The following STK4 variants were observed in gnomAD, a reference collection of about 807,000 sequenced individuals.
STK4 encodes the protein serine/threonine kinase 4.
In STK4, 30 loss-of-function variants were observed where a neutral mutation model predicts 64.9. The ratio of observed to expected loss-of-function variants is 0.46; its 90% CI spans 0.35 to 0.63. The LOEUF (loss-of-function observed/expected upper bound fraction) is 0.63, where lower values mean the gene tolerates loss of function less well. Among genes scored for constraint, STK4 ranks in the 20% least tolerant of loss-of-function variants. STK4 has a pLI of 0.01. For synonymous variants in STK4, 177 were observed against 199.0 expected, an observed-to-expected ratio of 0.89 and a Z score of 0.93; for missense variants, 466 against 598.5, an observed-to-expected ratio of 0.78 and a Z score of 2.31.
At position 45,075,201 on chromosome 20, in the gene STK4, A is replaced by G. The variant is rs1267287613; in HGVS notation, c.*25A>G. 1 of 1,609,996 alleles carries G rather than the reference A, an allele frequency of 6.2e-7. No individual in the cohort carries two copies. The highest frequency in any genetic ancestry group is 1.1e-5 in the South Asian group (1 of 90,838). ...AGCAAGGCCAGGCTGTGAGGGCCCC[A>G]GCTCCACCCAGGCTTTGGGTGAATT... On this transcript the variant is annotated 3_prime_UTR_variant, in exon 11 of 11. Coordinates refer to ENST00000372806, the MANE Select transcript of STK4 (RefSeq NM_006282.5).
chr20:44,989,302 C>T (rs2067591882), intron 5 of STK4, among the ~76,000 whole-genome samples: 1 of 152,100 alleles, frequency 6.6e-6, no homozygotes. Flanking sequence ...TATAACCATC[C>T]TAGTGAGTAT....
chr20:44,997,876 TG>T (rs2067764411), intron 7 of STK4, among the ~76,000 whole-genome samples: 1 of 152,202 alleles, frequency 6.6e-6, no homozygotes, highest in Non-Finnish European at 1.5e-5. Flanking sequence ...CCACATACTT[TG>T]CATATGTGCC....
At chr20:44,995,363 T>C in intron 6 of STK4, 106 bp downstream of exon 6, 1 of 1,358,260 alleles carries the variant, frequency 7.4e-7, no homozygotes, top group Non-Finnish European at 9.8e-7. Flanking sequence ...CCCAGCACTT[T>C]GGGAGGCTGA....
chr20:45,004,990 C>T (rs1434031014), intron 9 of STK4, among the ~76,000 whole-genome samples: 1 of 151,718 alleles, frequency 6.6e-6, no homozygotes, highest in Non-Finnish European at 1.5e-5. Context: ...TCAGGCTGGT[C>T]TCAAACTCTT....
chr20:45,004,653 T>G (rs1170856582), intron 9 of STK4, among the ~76,000 whole-genome samples: 1 of 152,078 alleles, frequency 6.6e-6, no homozygotes, highest in Non-Finnish European at 1.5e-5. Flanking sequence ...ATAGTTTCTT[T>G]TGCTGTGCAG....
At chr20:44,970,597 A>G (rs1378635532) in intron 1 of STK4, 1 of 152,072 alleles carries the variant, frequency 6.6e-6, no homozygotes, top group Non-Finnish European at 1.5e-5. Context: ...ATCCCTTTTC[A>G]TTTTGAAGGT....
At position 44,994,922 on chromosome 20, in the gene STK4, G is replaced by GTAT. The variant is rs376819645; in HGVS notation, c.526-167_526-165dup. ...CTATGCCTGCTTGATCATGCTCAGA[G>GTAT]TATGGTTTTTATATGTATTTCAAGT... On this transcript the variant is annotated intron_variant, in intron 5 of 10. Coordinates refer to ENST00000372806, the MANE Select transcript of STK4 (RefSeq NM_006282.5). Among the ~76,000 whole-genome samples, 590 of 150,094 alleles carry GTAT rather than the reference G, an allele frequency of 3.9e-3. 1 individual carries two copies. The highest frequency in any genetic ancestry group is 0.014 in the African/African-American group (555 of 41,004).
intron 10 of STK4, among the ~76,000 whole-genome samples, chr20:45,055,283 C>G (rs942838626): frequency 2.9e-4 from 44 of 152,166 alleles, no homozygotes; most frequent in Admixed American, 2.7e-3. Flanking sequence ...TTTTAACAAT[C>G]TACTCATTCC....
intron 7 of STK4, 22 bp downstream of exon 7, chr20:44,997,328 C>A: frequency 6.4e-7 from 1 of 1,560,630 alleles, no homozygotes; most frequent in South Asian, 1.2e-5. Context: ...CCTGTGATGC[C>A]ATCTCGCTCC....
intron 10 of STK4, among the ~76,000 whole-genome samples, chr20:45,044,396 A>G (rs954747706): frequency 1.2e-4 from 19 of 152,294 alleles, no homozygotes; most frequent in African/African-American, 4.3e-4. Flanking sequence ...CTATAATCCC[A>G]GCTTTTTGGG....
intron 2 of STK4, among the ~76,000 whole-genome samples, chr20:44,973,775 T>C (rs1458273163): frequency 6.6e-6 from 1 of 152,222 alleles, no homozygotes; most frequent in African/African-American, 2.4e-5. Flanking sequence ...GATAATAATA[T>C]ATCAATTCAT....
chr20:45,024,932 T>C, intron 9 of STK4, 41 bp from the exon 10 acceptor site: 1 of 1,499,178 alleles, frequency 6.7e-7, no homozygotes. Flanking sequence ...ACCTAAAATT[T>C]AGAATGTTTC....
chr20:45,037,977 A>T (rs1159911184), intron 10 of STK4, among the ~76,000 whole-genome samples: 1 of 152,136 alleles, frequency 6.6e-6, no homozygotes, highest in Non-Finnish European at 1.5e-5. Context: ...ATGCATCTTG[A>T]TGTTTCCTGG....
At chr20:45,002,685 A>G (rs539510994) in intron 9 of STK4, among the ~76,000 whole-genome samples, 11 of 152,184 alleles carry the variant, frequency 7.2e-5, no homozygotes, top group Admixed American at 1.3e-4. Context: ...CTATAGACCT[A>G]TATCACTCAG....
intron 10 of STK4, among the ~76,000 whole-genome samples, chr20:45,070,857 G>A (rs1268562335): frequency 3.4e-5 from 5 of 146,102 alleles, no homozygotes; most frequent in African/African-American, 1.3e-4. Context: ...TGCTGCACTT[G>A]CCTGGGGGAC....
intron 9 of STK4, among the ~76,000 whole-genome samples, chr20:45,011,600 T>A (rs2068043971): frequency 1.3e-5 from 2 of 151,362 alleles, no homozygotes; most frequent in South Asian, 4.2e-4. Flanking sequence ...ATATAGTTTT[T>A]AAACTGTAAT....
At chr20:45,021,333 G>T (rs1461276510) in intron 9 of STK4, among the ~76,000 whole-genome samples, 1 of 152,192 alleles carries the variant, frequency 6.6e-6, no homozygotes, top group African/African-American at 2.4e-5. Flanking sequence ...ATTATTATCA[G>T]TCTATAAAAT....
chr20:44,966,689 G>T, intron 1 of STK4, 86 bp downstream of exon 1: 1 of 1,240,364 alleles, frequency 8.1e-7, no homozygotes, highest in South Asian at 3.8e-5. Flanking sequence ...CTGTGTGGGA[G>T]TCCCCGGAGC....
chr20:45,061,796 A>G (rs1979034342), intron 10 of STK4, among the ~76,000 whole-genome samples: 1 of 148,924 alleles, frequency 6.7e-6, no homozygotes, highest in Non-Finnish European at 1.5e-5. Flanking sequence ...GTTCACCTGT[A>G]TGTACTCATG....
Sources: gnomAD v4.1 joint callset for allele counts (sites outside exome capture counted in the v4.1 genomes callset) on GRCh38, gnomAD v4.1.1 for gene constraint, MANE v1.5 for transcripts, NCBI Gene and HGNC (gene_info 2026-07-23, HGNC 2026-07-21) for gene names.